CDK13: variants seen among roughly 807,000 people sequenced by gnomAD.
CDK13 encodes the protein cyclin dependent kinase 13.
A neutral mutation model predicts 137.6 loss-of-function variants in CDK13; 40 were observed. The ratio of observed to expected loss-of-function variants is 0.29; its 90% CI spans 0.23 to 0.38. The LOEUF (loss-of-function observed/expected upper bound fraction) is 0.38, where lower values mean the gene tolerates loss of function less well. Ranked by LOEUF, CDK13 falls within the 10% of genes least tolerant of loss-of-function variation. The pLI, the probability that CDK13 is intolerant of heterozygous loss-of-function variation, is 1.00. For missense variants in CDK13, 1,704 were observed against 1,951.8 expected (o/e 0.87, Z 2.39); for synonymous variants, 869 against 760.1 (o/e 1.14, Z -2.36).
At chr7:40,053,166 C>T (rs563100550) in intron 7 of CDK13, among the ~76,000 whole-genome samples, 22 of 152,126 alleles carry the variant, frequency 1.4e-4, no homozygotes, top group Middle Eastern at 3.4e-3. Context: ...GTATATCATC[C>T]GAGACATTAC....
chr7:39,960,841 C>A (rs1787595598), intron 1 of CDK13, among the ~76,000 whole-genome samples: 1 of 152,010 alleles, frequency 6.6e-6, no homozygotes, highest in Non-Finnish European at 1.5e-5. Flanking sequence ...TGTCAAAGTG[C>A]TGGGATTACA....
chr7:40,034,310 G>C (rs1241931640), intron 5 of CDK13, among the ~76,000 whole-genome samples: 1 of 152,142 alleles, frequency 6.6e-6, no homozygotes. Context: ...TGGGGGCAGT[G>C]GTTTGCCCTG....
chr7:39,967,915 A>C (rs1178586955), intron 1 of CDK13, among the ~76,000 whole-genome samples: 1 of 151,626 alleles, frequency 6.6e-6, no homozygotes, highest in African/African-American at 2.4e-5. Flanking sequence ...TTGAGATGGG[A>C]TCTTGCTATG....
At chr7:39,973,169 C>T (rs975774820) in intron 1 of CDK13, among the ~76,000 whole-genome samples, 3 of 152,184 alleles carry the variant, frequency 2.0e-5, no homozygotes, top group African/African-American at 7.2e-5. Context: ...CAGGGTCTCA[C>T]TCTGTTGCCC....
chr7:40,061,900 TA>T (rs1786156795), intron 7 of CDK13: 1 of 152,210 alleles, frequency 6.6e-6, no homozygotes, highest in South Asian at 2.1e-4. Context: ...GAGGTAGCAG[TA>T]TATTTATGTC....
intron 2 of CDK13, among the ~76,000 whole-genome samples, chr7:39,992,887 T>A (rs1784493240): frequency 6.6e-6 from 1 of 152,186 alleles, no homozygotes; most frequent in Non-Finnish European, 1.5e-5. Flanking sequence ...GAGGTGATTT[T>A]ATGTACTTTA....
intron 9 of CDK13, chr7:40,069,248 TA>T: frequency 2.3e-6 from 1 of 441,122 alleles, no homozygotes; most frequent in Non-Finnish European, 4.5e-6. Flanking sequence ...AAAACAGAAA[TA>T]AAACAACAAA....
intron 5 of CDK13, among the ~76,000 whole-genome samples, chr7:40,010,360 A>G (rs1784870078): frequency 6.6e-6 from 1 of 152,192 alleles, no homozygotes; most frequent in Non-Finnish European, 1.5e-5. Flanking sequence ...GAGCTCAGGC[A>G]GTAATGCGAG....
intron 5 of CDK13, among the ~76,000 whole-genome samples, chr7:40,043,199 C>T (rs930297832): frequency 1.3e-5 from 2 of 152,172 alleles, no homozygotes; most frequent in Non-Finnish European, 2.9e-5. Context: ...CTGTCCACCT[C>T]CTTGTGGGAT....
At chr7:40,024,303 C>T (rs754300526) in intron 5 of CDK13, among the ~76,000 whole-genome samples, 3 of 152,196 alleles carry the variant, frequency 2.0e-5, no homozygotes, top group Non-Finnish European at 2.9e-5. Flanking sequence ...TGGATCATTA[C>T]TCTGTACACT....
At chr7:39,961,833 G>A (rs1783743341) in intron 1 of CDK13, among the ~76,000 whole-genome samples, 1 of 151,640 alleles carries the variant, frequency 6.6e-6, no homozygotes, top group Admixed American at 6.6e-5. Context: ...TCCCCTTCCA[G>A]TGTCCATGTG....
chr7:40,052,036 C>T (rs564188596), intron 7 of CDK13, among the ~76,000 whole-genome samples: 5 of 152,118 alleles, frequency 3.3e-5, no homozygotes, highest in East Asian at 1.9e-4. Context: ...TTTTATTTTA[C>T]CAAGTCATTG....
At chr7:40,000,885 G>A (rs1323884320) in intron 4 of CDK13, among the ~76,000 whole-genome samples, 1 of 152,118 alleles carries the variant, frequency 6.6e-6, no homozygotes, top group South Asian at 2.1e-4. Flanking sequence ...CTTGTAATAG[G>A]CTTCGTGTAT....
At chr7:40,093,977 G>C (rs149798231) in intron 13 of CDK13, among the ~76,000 whole-genome samples, 153 bp from the exon 14 acceptor site, 1 of 150,140 alleles carries the variant, frequency 6.7e-6, no homozygotes, top group Non-Finnish European at 1.5e-5. Context: ...AGTTACCATA[G>C]TACTTGTAAA....
At chr7:39,966,879 C>G (rs1027512039) in intron 1 of CDK13, among the ~76,000 whole-genome samples, 3 of 152,152 alleles carry the variant, frequency 2.0e-5, no homozygotes, top group Non-Finnish European at 4.4e-5. Flanking sequence ...GAGGTCCACT[C>G]CAGACCCTGT....
intron 1 of CDK13, among the ~76,000 whole-genome samples, chr7:39,972,369 A>C (rs180901335): frequency 8.7e-4 from 132 of 152,364 alleles, no homozygotes; most frequent in Non-Finnish European, 1.1e-3. Context: ...TTAAACTATA[A>C]TTTATTAGTC....
At chr7:40,050,266 T>G (rs1448541922) in intron 7 of CDK13, among the ~76,000 whole-genome samples, 1 of 152,218 alleles carries the variant, frequency 6.6e-6, no homozygotes, top group Non-Finnish European at 1.5e-5. Context: ...AATTCGCAAT[T>G]TTTTATTCTT....
chr7:40,069,468 GT>G, intron 9 of CDK13: 1 of 300,186 alleles, frequency 3.3e-6, no homozygotes, highest in Non-Finnish European at 6.9e-6. Context: ...ATGCTCTTAA[GT>G]TTTTTTCTTC....
intron 1 of CDK13, among the ~76,000 whole-genome samples, chr7:39,953,122 A>G (rs1787290424): frequency 6.6e-6 from 1 of 152,222 alleles, no homozygotes; most frequent in South Asian, 2.1e-4. Flanking sequence ...TTTTTGAAGT[A>G]TCACCATAAT....
Sources: gnomAD v4.1 joint callset for allele counts (sites outside exome capture counted in the v4.1 genomes callset) on GRCh38, gnomAD v4.1.1 for gene constraint, MANE v1.5 for transcripts, NCBI Gene and HGNC (gene_info 2026-07-23, HGNC 2026-07-21) for gene names.